EIF4E3: variants seen among roughly 807,000 people sequenced by gnomAD.
The protein encoded by EIF4E3 is eukaryotic translation initiation factor 4E type 3.
In EIF4E3, 26 loss-of-function variants were observed where a neutral mutation model predicts 31.7. That is an observed-to-expected ratio of 0.82 (90% CI 0.60 to 1.14). EIF4E3 has a LOEUF of 1.14. Ranked by LOEUF, EIF4E3 falls within the 50% of genes most tolerant of loss-of-function variation. The probability of loss-of-function intolerance (pLI) is 0.00; values close to 1 mark genes in which losing one functional copy is unlikely to be tolerated. For synonymous variants in EIF4E3, 128 were observed against 107.7 expected, an observed-to-expected ratio of 1.19 and a Z score of -1.17; for missense variants, 304 against 270.9, an observed-to-expected ratio of 1.12 and a Z score of -0.86.
At chr3:71,673,048 G>A (rs890457449), downstream of EIF4E3, among the ~76,000 whole-genome samples, 2 of 152,190 alleles carry the variant, frequency 1.3e-5, no homozygotes. Flanking sequence ...ATAATCGGAA[G>A]GGGTCTCCAG....
At chr3:71,699,429 T>G (rs906372990) in intron 3 of EIF4E3, among the ~76,000 whole-genome samples, 185 bp downstream of exon 3, 3 of 152,190 alleles carry the variant, frequency 2.0e-5, no homozygotes, top group African/African-American at 4.8e-5. Context: ...TTACTGTCCA[T>G]CTTCATCACT....
At chr3:71,701,960 A>G (rs1347369895) in intron 2 of EIF4E3, among the ~76,000 whole-genome samples, 1 of 152,156 alleles carries the variant, frequency 6.6e-6, no homozygotes, top group Non-Finnish European at 1.5e-5. Flanking sequence ...ATGCTTTGCT[A>G]TTTGTACAAA....
intron 3 of EIF4E3, among the ~76,000 whole-genome samples, chr3:71,697,791 T>C (rs925642481): frequency 6.6e-6 from 1 of 152,234 alleles, no homozygotes; most frequent in African/African-American, 2.4e-5. Context: ...ACATGTACCA[T>C]ATTTTCTTTA....
intron 5 of EIF4E3, among the ~76,000 whole-genome samples, chr3:71,691,179 T>C (rs1328581336): frequency 6.6e-6 from 1 of 152,230 alleles, no homozygotes; most frequent in Non-Finnish European, 1.5e-5. Context: ...ACGTGAGAGA[T>C]AAGCATTATC....
At chr3:71,724,266 C>T (rs2049593986) in intron 1 of EIF4E3, among the ~76,000 whole-genome samples, 1 of 152,184 alleles carries the variant, frequency 6.6e-6, no homozygotes, top group African/African-American at 2.4e-5. Flanking sequence ...GGTGTTCTTA[C>T]TAGGGACCAG....
chr3:71,708,124 T>G (rs576429040), intron 2 of EIF4E3, among the ~76,000 whole-genome samples: 112 of 152,314 alleles, frequency 7.4e-4, no homozygotes, highest in African/African-American at 2.6e-3. Flanking sequence ...TCCGCCCACC[T>G]TGGCCTCCCA....
At chr3:71,660,299 G>A in the EIF4E3 span, among the ~76,000 whole-genome samples, 1 of 151,954 alleles carries the variant, frequency 6.6e-6, no homozygotes, top group Admixed American at 6.6e-5. Flanking sequence ...TGCACACAGC[G>A]TGATGACCAT....
At chr3:71,690,667 C>G (rs1450348948) in intron 5 of EIF4E3, among the ~76,000 whole-genome samples, 3 of 152,160 alleles carry the variant, frequency 2.0e-5, no homozygotes, top group Non-Finnish European at 2.9e-5. Flanking sequence ...CGAACTGGAG[C>G]CAGATTGTGC....
intron 1 of EIF4E3, among the ~76,000 whole-genome samples, chr3:71,715,143 C>T (rs2049445648): frequency 6.6e-6 from 1 of 152,176 alleles, no homozygotes; most frequent in Non-Finnish European, 1.5e-5. Context: ...GTGCTACTGG[C>T]ATGTGGTGGG....
intron 5 of EIF4E3, 38 bp from the exon 6 acceptor site, chr3:71,690,203 C>T: frequency 6.4e-7 from 1 of 1,556,444 alleles, no homozygotes. Flanking sequence ...ATGAGTGATA[C>T]TTCCAAGTCA....
chr3:71,666,268 C>A, the EIF4E3 span, among the ~76,000 whole-genome samples: 3 of 152,030 alleles, frequency 2.0e-5, no homozygotes, highest in Non-Finnish European at 4.4e-5. Context: ...GGTATATCAC[C>A]ACTGATCCCA....
chr3:71,714,174 T>G (rs1009686791), intron 1 of EIF4E3, among the ~76,000 whole-genome samples: 4 of 148,968 alleles, frequency 2.7e-5, no homozygotes, highest in Non-Finnish European at 5.9e-5. Context: ...ATTGCGCCAC[T>G]GCACTCCAGC....
intron 1 of EIF4E3, among the ~76,000 whole-genome samples, chr3:71,752,826 G>T (rs368134778): frequency 6.6e-5 from 10 of 152,314 alleles, no homozygotes; most frequent in African/African-American, 1.7e-4. Context: ...GCCTGTTGTG[G>T]GGCTGGTCCA....
chr3:71,674,834 A>C (rs1406859953), downstream of EIF4E3, among the ~76,000 whole-genome samples: 1 of 152,212 alleles, frequency 6.6e-6, no homozygotes, highest in Non-Finnish European at 1.5e-5. Flanking sequence ...GCTTTGAAGA[A>C]GCTCTACCTT....
intron 2 of EIF4E3, among the ~76,000 whole-genome samples, chr3:71,708,519 T>C (rs1157761127): frequency 6.6e-6 from 1 of 152,048 alleles, no homozygotes; most frequent in African/African-American, 2.4e-5. Context: ...GTGCTTTAAA[T>C]TGCTCCCTGA....
At chr3:71,754,077 A>AGCGGCG (rs774572737), upstream of EIF4E3, 14 of 1,316,060 alleles carry the variant, frequency 1.1e-5, no homozygotes, top group Non-Finnish European at 1.4e-5. This position sits in a 1 kb window ranked among gnomAD's most constrained non-coding sequence, Gnocchi z 5.8. Flanking sequence ...GCCGGGTGGC[A>AGCGGCG]GCGGCGGCGG....
rs963876074 is a variant in EIF4E3 at position 71,677,672 on chromosome 3, C to T, written c.*7010G>A. ...ATTCGCTGTGTTAAAATTAATTAGG[C>T]ATCACACATAAGATCCTGAATTGCT... is the stretch of plus-strand genomic sequence containing the variant. On this transcript the variant is annotated 3_prime_UTR_variant, in exon 7 of 7. Coordinates refer to ENST00000425534, the MANE Select transcript of EIF4E3 (RefSeq NM_001134651.2). 6.6e-6 allele frequency: 1 copy of T among 152,200 alleles called. No homozygotes were observed. Among genetic ancestry groups the T allele is most frequent in the Admixed American group, 6.5e-5 (1 of 15,276 alleles). The allele number at this position is 152,200 out of a possible 1,614,324, so 9.4% of individuals were successfully genotyped here. A position where few individuals can be genotyped will look rare whatever the true frequency, so the allele number is the denominator to read the frequency against.
At chr3:71,667,770 A>G in the EIF4E3 span, among the ~76,000 whole-genome samples, 1 of 152,208 alleles carries the variant, frequency 6.6e-6, no homozygotes, top group African/African-American at 2.4e-5. Context: ...AAACAAATGG[A>G]AAAATATTCC....
At chr3:71,744,497 A>T (rs2049851811) in intron 1 of EIF4E3, among the ~76,000 whole-genome samples, 1 of 152,236 alleles carries the variant, frequency 6.6e-6, no homozygotes, top group Admixed American at 6.5e-5. Flanking sequence ...CTGTAATCCC[A>T]GCACTTTGGG....
Sources: allele counts gnomAD v4.1 joint callset (sites outside exome capture counted in the v4.1 genomes callset), GRCh38; gene constraint gnomAD v4.1.1; non-coding constraint Gnocchi (gnomAD v3.1); transcripts MANE v1.5; gene names NCBI Gene and HGNC (gene_info 2026-07-23, HGNC 2026-07-21).